Variants in CHRDL2 observed in about 807,000 individuals in gnomAD.
CHRDL2 encodes chordin-like protein 2.
In CHRDL2, 41 loss-of-function variants were observed where a neutral mutation model predicts 54.3. The observed-to-expected ratio is 0.76, with a 90% CI of 0.59 to 0.98. The LOEUF is 0.98. Ranked by LOEUF, CHRDL2 falls within the 50% of genes least tolerant of loss-of-function variation. The pLI, the probability that CHRDL2 is intolerant of heterozygous loss-of-function variation, is 0.00. For synonymous variants in CHRDL2, 220 were observed against 224.3 expected (o/e 0.98, Z 0.17); for missense variants, 518 against 562.4 (o/e 0.92, Z 0.80).
intron 2 of CHRDL2, among the ~76,000 whole-genome samples, chr11:74,714,974 G>C (rs2034303548): frequency 6.6e-6 from 1 of 152,056 alleles, no homozygotes. Flanking sequence ...ACTGAGGTAG[G>C]GCCTTTACGT....
intron 4 of CHRDL2, 135 bp downstream of exon 4, chr11:74,710,714 T>C: frequency 8.4e-7 from 1 of 1,192,922 alleles, no homozygotes; most frequent in Non-Finnish European, 1.1e-6. Context: ...AAACCCCAGA[T>C]ATTCCCTTTC....
chr11:74,725,306 T>C (rs1162885525), intron 1 of CHRDL2, among the ~76,000 whole-genome samples: 1 of 152,224 alleles, frequency 6.6e-6, no homozygotes, highest in Admixed American at 6.5e-5. Flanking sequence ...AGCCTCTTTC[T>C]TTAACAAAAG....
At chr11:74,721,347 C>G (rs2034496635) in intron 1 of CHRDL2, among the ~76,000 whole-genome samples, 1 of 152,250 alleles carries the variant, frequency 6.6e-6, no homozygotes. Context: ...GCCCAGGTCT[C>G]TGTGCCAGTT....
At chr11:74,714,294 A>C (rs368326804) in intron 2 of CHRDL2, among the ~76,000 whole-genome samples, 162 of 152,334 alleles carry the variant, frequency 1.1e-3, no homozygotes, top group African/African-American at 3.5e-3. Context: ...GCTCCAAGTT[A>C]GTGGCTGCTG....
chr11:74,706,966 A>C lies in CHRDL2; in HGVS notation c.527-424T>G, dbSNP rs553334032. On this transcript the variant is annotated intron_variant, in intron 5 of 10. Coordinates refer to ENST00000376332, the MANE Select transcript of CHRDL2 (RefSeq NM_001278473.3). ...TAGATGCAGTTTCCTGGGCAGCCAC[A>C]CTTGAAGTCAGCAGGCCTTGGTTTA... Among the ~76,000 whole-genome samples the C allele has an allele frequency of 2.6e-5, 4 of 152,224 alleles. No homozygotes were observed. The South Asian group carries it at 8.3e-4, about 32-fold the overall frequency.
intron 1 of CHRDL2, among the ~76,000 whole-genome samples, chr11:74,722,350 G>A (rs1445952110): frequency 1.3e-5 from 2 of 152,118 alleles, no homozygotes; most frequent in African/African-American, 4.8e-5. Context: ...CAGATCGGCT[G>A]GGGTTCAAAT....
At position 74,730,908 on chromosome 11, in the gene CHRDL2, C is replaced by A. The variant is rs371944059; in HGVS notation, c.-20G>T. On this transcript the variant is annotated 5_prime_UTR_variant, in exon 1 of 11. Coordinates refer to ENST00000376332, the MANE Select transcript of CHRDL2 (RefSeq NM_001278473.3). ...AACCATCCTTTCCCCAGGGTCAGGC[C>A]GCTGGTCCGGGAGCGGAGTCGGGAG... is the stretch of plus-strand genomic sequence containing the variant. The A allele has an allele frequency of 2.9e-5, 46 of 1,594,644 alleles. No individual in the cohort carries two copies. In the African/African-American group the frequency reaches 5.8e-4, roughly 20 times the overall value.
At position 74,703,468 on chromosome 11, in the gene CHRDL2, G is replaced by T; in HGVS notation, c.783C>A (p.His261Gln). The change falls in exon 8 of 11, where the codon CAC becomes CAA. Residue 261 changes from histidine to glutamine, a missense_variant. Transcript: ENST00000376332. ...GGAAGGCCGGGTGCCACACCTCCCCGTGGGAGTACGTCTTCCCGCCATGCA... is the reference window on the plus strand; with the variant it reads ...GGAAGGCCGGGTGCCACACCTCCCCTTGGGAGTACGTCTTCCCGCCATGCA... ...ACVHGGKTYS[H>Q]GEVWHPAFRA... The T allele has an allele frequency of 6.2e-7, 1 of 1,608,588 alleles. No homozygotes were observed. Among genetic ancestry groups the T allele is most frequent in the Non-Finnish European group, 8.5e-7 (1 of 1,177,020 alleles).
chr11:74,726,120 T>C (rs1407597920), intron 1 of CHRDL2, among the ~76,000 whole-genome samples: 6 of 152,146 alleles, frequency 3.9e-5, no homozygotes. Flanking sequence ...GAAGGGCCTC[T>C]AGGGAGAGAA....
chr11:74,722,724 T>C (rs1430182837), intron 1 of CHRDL2, among the ~76,000 whole-genome samples: 1 of 152,106 alleles, frequency 6.6e-6, no homozygotes, highest in African/African-American at 2.4e-5. Context: ...ACTGCACCAA[T>C]CATGATTCTG....
intron 2 of CHRDL2, among the ~76,000 whole-genome samples, chr11:74,716,540 C>CAAAAAA (rs751918696): frequency 1.6e-4 from 9 of 57,628 alleles, no homozygotes; most frequent in East Asian, 9.2e-4. Context: ...ACTCCATCTC[C>CAAAAAA]AAAAAAAAAA....
intron 1 of CHRDL2, among the ~76,000 whole-genome samples, chr11:74,721,140 C>G (rs1371598493): frequency 6.6e-6 from 1 of 150,842 alleles, no homozygotes; most frequent in Middle Eastern, 3.4e-3. Context: ...TCAGCCTCTA[C>G]TGGCAGAGAG....
Position 74,713,468 on chromosome 11 carries a change from C to A in CHRDL2, c.207G>T (p.Val69=), listed in dbSNP as rs1213590411. ...GCGGACAGTGGAGGCGGTAACAACT[C>A]ACATGGGCGCCCTGAAGGGGACACA... The part of the protein sequence containing the change: ...LRCTCSEGAH[V]SCYRLHCPPV... Residue 69 remains valine, a synonymous_variant, in exon 3 of 11, where the codon GTG becomes GTT. Coordinates refer to ENST00000376332, the MANE Select transcript of CHRDL2 (RefSeq NM_001278473.3). 3.1e-6 allele frequency: 5 copies of A among 1,614,036 alleles called. No individual in the cohort carries two copies. The highest frequency in any genetic ancestry group is 4.2e-6 in the Non-Finnish European group (5 of 1,180,000).
At position 74,711,055 on chromosome 11, in the gene CHRDL2, T is replaced by C. The variant is rs1270693856; in HGVS notation, c.290-64A>G. 2.0e-6 allele frequency: 3 copies of C among 1,529,512 alleles called. No homozygotes were observed. In the African/African-American group the frequency reaches 4.1e-5, roughly 21 times the overall value. The allele number at this position is 1,529,512 out of a possible 1,614,324, so 94.7% of individuals were successfully genotyped here. On this transcript the variant is annotated intron_variant, in intron 3 of 10. Coordinates refer to ENST00000376332, the MANE Select transcript of CHRDL2 (RefSeq NM_001278473.3). ...GTTTCATGTGAATCTTTGCTGAAAT[T>C]AACAAGGCCACTTTTCTGATGATTT...
Position 74,704,493 on chromosome 11 carries a change from A to G in CHRDL2, c.744T>C (p.His248=). 1 of 1,583,452 alleles carries G rather than the reference A, an allele frequency of 6.3e-7. No homozygotes were observed. Among genetic ancestry groups the G allele is most frequent in the South Asian group, 1.2e-5 (1 of 84,858 alleles). Residue 248 remains histidine (H), a synonymous_variant, in exon 7 of 11, where the codon CAT becomes CAC. Coordinates refer to ENST00000376332, the MANE Select transcript of CHRDL2 (RefSeq NM_001278473.3). ...TTVKIVLKEK[H]KKACVHGGKT... ...GGAGGGTCCAGTCCCCACCTTTCTT[A>G]TGTTTCTCCTTCAGGACGATCTTGA...
At chr11:74,713,257 C>T in intron 3 of CHRDL2, 129 bp downstream of exon 3, 3 of 741,512 alleles carry the variant, frequency 4.0e-6, no homozygotes, top group Non-Finnish European at 6.7e-6. Context: ...CCCTTGAGCA[C>T]CTTTGTGTGT....
intron 5 of CHRDL2, among the ~76,000 whole-genome samples, chr11:74,707,271 G>A (rs2034040750): frequency 6.6e-6 from 1 of 152,206 alleles, no homozygotes; most frequent in Non-Finnish European, 1.5e-5. Flanking sequence ...GAGTTAGCTG[G>A]AAGAACCAGG....
chr11:74,719,968 G>A (rs1395304256), intron 1 of CHRDL2, among the ~76,000 whole-genome samples: 1 of 152,052 alleles, frequency 6.6e-6, no homozygotes, highest in African/African-American at 2.4e-5. Flanking sequence ...GGTACCTAGC[G>A]ATCTTCACGC....
At chr11:74,717,453 TA>T (rs2034391897) in intron 2 of CHRDL2, among the ~76,000 whole-genome samples, 1 of 152,208 alleles carries the variant, frequency 6.6e-6, no homozygotes, top group African/African-American at 2.4e-5. Flanking sequence ...CTATATTTCA[TA>T]AAGTCCTTCT....
Sources: gnomAD v4.1 joint callset for allele counts (sites outside exome capture counted in the v4.1 genomes callset) on GRCh38, gnomAD v4.1.1 for gene constraint, MANE v1.5 for transcripts, NCBI Gene and HGNC (gene_info 2026-07-23, HGNC 2026-07-21) for gene names.